The following GLRA2 variants were observed in gnomAD, a reference collection of about 807,000 sequenced individuals.
The protein encoded by GLRA2 is glycine receptor alpha 2.
Under a neutral mutation model 31.6 loss-of-function variants are expected in GLRA2, and 11 were observed. The observed-to-expected ratio is 0.35, with a 90% confidence interval of 0.22 to 0.58. GLRA2 has a LOEUF of 0.58. GLRA2 is among the 20% of genes least tolerant of loss of function. GLRA2 has a pLI of 0.84. For synonymous variants in GLRA2, 132 were observed against 134.0 expected (o/e 0.99, Z 0.10); for missense variants, 212 against 351.8 (o/e 0.60, Z 3.18).
At chrX:14,541,113 C>T (rs1245871307) in intron 2 of GLRA2, among the ~76,000 whole-genome samples, 2 of 111,921 alleles carry the variant, frequency 1.8e-5, no homozygotes, top group Non-Finnish European at 3.8e-5. Flanking sequence ...TAATTCCCTC[C>T]AGGCTCCCCA....
chrX:14,667,396 A>G (rs1238645622), intron 7 of GLRA2, among the ~76,000 whole-genome samples: 2 of 111,900 alleles, frequency 1.8e-5, no homozygotes. Context: ...CAACTCTACC[A>G]TGGTAAGTGG....
At chrX:14,514,991 C>T in the GLRA2 span, among the ~76,000 whole-genome samples, 7 of 111,137 alleles carry the variant, frequency 6.3e-5, no homozygotes, top group Admixed American at 6.7e-4. Context: ...CTTATACTTT[C>T]ATCTTGAGAG....
intron 4 of GLRA2, among the ~76,000 whole-genome samples, chrX:14,601,994 C>T (rs187262871): frequency 5.4e-5 from 6 of 111,697 alleles, no homozygotes; most frequent in Non-Finnish European, 1.1e-4. Context: ...GAATAAGCAT[C>T]ATCTTACCTA....
chrX:14,464,061 AG>A, the GLRA2 span, among the ~76,000 whole-genome samples: 1 of 112,038 alleles, frequency 8.9e-6, no homozygotes, highest in African/African-American at 3.2e-5. Context: ...GAGATGTTTG[AG>A]TTCTTTGTAT....
At chrX:14,642,222 G>A (rs1464105784) in intron 7 of GLRA2, among the ~76,000 whole-genome samples, 1 of 111,814 alleles carries the variant, frequency 8.9e-6, no homozygotes, top group Admixed American at 9.5e-5. Flanking sequence ...CTTACAGGGG[G>A]CCATGGGGTT....
At chrX:14,534,578 AT>A (rs1601686029) in intron 2 of GLRA2, among the ~76,000 whole-genome samples, 1 of 110,822 alleles carries the variant, frequency 9.0e-6, no homozygotes, top group Non-Finnish European at 1.9e-5. Context: ...ACATATGTAT[AT>A]TTTATTGATC....
the GLRA2 span, among the ~76,000 whole-genome samples, chrX:14,523,643 G>A: frequency 3.6e-5 from 4 of 111,271 alleles, no homozygotes; most frequent in Non-Finnish European, 7.5e-5. Context: ...GTTATTAGTT[G>A]TCCTCATTTC....
At chrX:14,605,754 A>G (rs953969484) in intron 5 of GLRA2, among the ~76,000 whole-genome samples, 1 of 111,680 alleles carries the variant, frequency 9.0e-6, no homozygotes, top group African/African-American at 3.3e-5. Context: ...TTCTATCCCA[A>G]TATTACTTTC....
At chrX:14,514,085 A>G in the GLRA2 span, among the ~76,000 whole-genome samples, 4 of 111,989 alleles carry the variant, frequency 3.6e-5, no homozygotes, top group East Asian at 1.1e-3. Context: ...TACTCAGCAC[A>G]AAATAATGGC....
At chrX:14,577,907 G>A (rs2089974666) in intron 3 of GLRA2, among the ~76,000 whole-genome samples, 1 of 111,778 alleles carries the variant, frequency 8.9e-6, no homozygotes, top group South Asian at 3.7e-4. Flanking sequence ...AGAAAAATTG[G>A]TCAAAAAAAT....
the GLRA2 span, among the ~76,000 whole-genome samples, chrX:14,493,142 A>G: frequency 9.0e-6 from 1 of 111,361 alleles, no homozygotes; most frequent in Non-Finnish European, 1.9e-5. Flanking sequence ...CATTCAAACC[A>G]TATCACATAG....
At chrX:14,531,947 T>C (rs998532518) in intron 1 of GLRA2, among the ~76,000 whole-genome samples, 1 of 111,765 alleles carries the variant, frequency 8.9e-6, no homozygotes, top group African/African-American at 3.2e-5. Context: ...TAACTATATA[T>C]ACATAAAATC....
chrX:14,635,059 A>G (rs965886264), intron 7 of GLRA2, among the ~76,000 whole-genome samples: 11 of 111,848 alleles, frequency 9.8e-5, no homozygotes, highest in Non-Finnish European at 1.9e-4. Context: ...TCAAATCAGT[A>G]TAATATTAAA....
At chrX:14,700,356 C>G (rs775328020) in intron 8 of GLRA2, among the ~76,000 whole-genome samples, 2 of 109,713 alleles carry the variant, frequency 1.8e-5, no homozygotes, top group Non-Finnish European at 3.8e-5. Context: ...AAGGGGAAGG[C>G]AGTGTAAGGG....
chrX:14,546,837 A>G (rs111474216), intron 2 of GLRA2, among the ~76,000 whole-genome samples: 40 of 111,568 alleles, frequency 3.6e-4, no homozygotes, highest in African/African-American at 1.2e-3. Flanking sequence ...ATTCCCCCAC[A>G]TATTGAAAAG....
At chrX:14,566,616 T>C (rs975210061) in intron 2 of GLRA2, among the ~76,000 whole-genome samples, 3 of 111,782 alleles carry the variant, frequency 2.7e-5, no homozygotes, top group Admixed American at 9.4e-5. Context: ...ACCCTTGACA[T>C]AGTCTCATAT....
the GLRA2 span, among the ~76,000 whole-genome samples, chrX:14,458,777 T>G: frequency 8.9e-6 from 1 of 111,834 alleles, no homozygotes; most frequent in African/African-American, 3.3e-5. Flanking sequence ...TATTAGCCCT[T>G]TGTCAGATGA....
At chrX:14,468,313 G>A in the GLRA2 span, among the ~76,000 whole-genome samples, 1 of 112,059 alleles carries the variant, frequency 8.9e-6, no homozygotes, top group Non-Finnish European at 1.9e-5. Flanking sequence ...ACATTTTCCA[G>A]TGTGATGGGA....
the GLRA2 span, among the ~76,000 whole-genome samples, chrX:14,462,000 C>T: frequency 8.9e-6 from 1 of 111,990 alleles, no homozygotes; most frequent in African/African-American, 3.2e-5. Context: ...TGTTCCTTTC[C>T]ATGTTTAGTG....
Sources: gnomAD v4.1 joint callset for allele counts (sites outside exome capture counted in the v4.1 genomes callset) on GRCh38, gnomAD v4.1.1 for gene constraint, MANE v1.5 for transcripts, NCBI Gene and HGNC (gene_info 2026-07-23, HGNC 2026-07-21) for gene names.